Variants in RBFOX1 observed in about 807,000 individuals in gnomAD.
RBFOX1 encodes the protein RNA binding fox-1 homolog 1, also known as RNA binding protein fox-1 homolog 1.
In RBFOX1, 8 loss-of-function variants were observed where a neutral mutation model predicts 57.7. The ratio of observed to expected loss-of-function variants is 0.14; its 90% CI spans 0.08 to 0.25. RBFOX1 has a LOEUF of 0.25. Ranked by LOEUF, RBFOX1 falls within the 10% of genes least tolerant of loss-of-function variation. RBFOX1 has a pLI of 1.00. For synonymous variants in RBFOX1, 326 were observed against 222.4 expected (o/e 1.47, Z -4.15); for missense variants, 611 against 548.5 (o/e 1.11, Z -1.14).
At chr16:6,360,672 A>G (rs746187694) in intron 2 of RBFOX1, among the ~76,000 whole-genome samples, 6 of 152,228 alleles carry the variant, frequency 3.9e-5, no homozygotes, top group Non-Finnish European at 7.3e-5. Context: ...TTTCAGAATT[A>G]TCTGAAATAA....
chr16:7,284,170 T>G (rs1004119710), intron 4 of RBFOX1, among the ~76,000 whole-genome samples: 3 of 152,256 alleles, frequency 2.0e-5, no homozygotes, highest in Admixed American at 6.5e-5. Context: ...TATAGTTTAT[T>G]CACTAGTTGA....
intron 4 of RBFOX1, among the ~76,000 whole-genome samples, chr16:7,148,839 C>G (rs2075562908): frequency 6.6e-6 from 1 of 152,180 alleles, no homozygotes; most frequent in Admixed American, 6.5e-5. Flanking sequence ...ATGTTTGTAG[C>G]AAAGTGACCC....
intron 4 of RBFOX1, among the ~76,000 whole-genome samples, chr16:7,096,391 G>T (rs71374929): frequency 0.11 from 16,479 of 152,154 alleles, 1,098 homozygotes; most frequent in South Asian, 0.2. Flanking sequence ...TTTTCTCCGT[G>T]TCCCCCAGCA....
rs71406388 is a variant in RBFOX1, at chr16:6,655,373, C to CAAAAAAAAAAAAAAAAAAAAAA, written c.-16+732_-16+753dup. Among the ~76,000 whole-genome samples the CAAAAAAAAAAAAAAAAAAAAAA allele has an allele frequency of 4.2e-4, 14 of 33,686 alleles. 1 individual carries two copies. The highest frequency in any genetic ancestry group is 6.2e-4 in the Non-Finnish European group (11 of 17,624). The allele number at this position is 33,686 out of a possible 152,430, so 22.1% of individuals were successfully genotyped here. The stretch of plus-strand genomic sequence containing the variant: ...TGAGTGACAAAATAAGCCTCCGTTT[C>CAAAAAAAAAAAAAAAAAAAAAA]AAAAAAAAAAAAAAAAAAAAAAAAA... On this transcript the variant is annotated intron_variant, in intron 3 of 15. Coordinates refer to ENST00000550418, the MANE Select transcript of RBFOX1 (RefSeq NM_018723.4).
At position 5,891,142 on chromosome 16, in the gene RBFOX1, C is replaced by G. The variant is rs368095805; in HGVS notation, c.351+23807C>G. Among the ~76,000 whole-genome samples the G allele has an allele frequency of 2.3e-3, 343 of 152,324 alleles. 12 individuals carry two copies. The South Asian group carries it at 0.069, about 31-fold the overall frequency. On this transcript the variant is annotated intron_variant, in intron 4 of 19. Transcript: ENST00000641259. ...CAGCACAGAAGTCAGTTCTGCCTCTCTACCCTCCTTAGGATTTTTTCTTTG... is the reference window on the plus strand; with the variant it reads ...CAGCACAGAAGTCAGTTCTGCCTCTGTACCCTCCTTAGGATTTTTTCTTTG...
chr16:6,313,156 C>G (rs1178695695), intron 1 of RBFOX1, among the ~76,000 whole-genome samples: 1 of 152,084 alleles, frequency 6.6e-6, no homozygotes, highest in Non-Finnish European at 1.5e-5. Context: ...ATGGGAAAGT[C>G]CATGGTGCTG....
intron 1 of RBFOX1, among the ~76,000 whole-genome samples, chr16:5,317,628 A>AT (rs753533682): frequency 6.6e-6 from 1 of 152,172 alleles, no homozygotes; most frequent in Non-Finnish European, 1.5e-5. Flanking sequence ...AACAAAAAAA[A>AT]GCGAACAAAA....
At chr16:7,461,933 C>G (rs903684012) in intron 4 of RBFOX1, among the ~76,000 whole-genome samples, 1 of 152,162 alleles carries the variant, frequency 6.6e-6, no homozygotes, top group Non-Finnish European at 1.5e-5. Context: ...CCCATTTGTT[C>G]TTGTCTTTTA....
intron 3 of RBFOX1, among the ~76,000 whole-genome samples, chr16:5,857,813 G>C (rs1034901635): frequency 2.0e-5 from 3 of 152,076 alleles, no homozygotes; most frequent in Non-Finnish European, 1.5e-5. Flanking sequence ...AGGCATGGTG[G>C]TGAGTGCCTG....
At position 6,802,913 on chromosome 16, in the gene RBFOX1, T is replaced by A. The variant is rs574130544; in HGVS notation, c.-16+148263T>A. Among the ~76,000 whole-genome samples the A allele has an allele frequency of 1.6e-4, 24 of 152,324 alleles. No individual in the cohort carries two copies. In the East Asian group the frequency reaches 4.6e-3, roughly 29 times the overall value. On this transcript the variant is annotated intron_variant, in intron 3 of 15. Transcript: ENST00000550418. The stretch of plus-strand genomic sequence containing the variant: ...ATTGTGCAAAGAAGTTATTTTAGTT[T>A]CCCTTAGGGTTAAATATTTATTGAA...
At chr16:6,983,734 C>G (rs1357465323) in intron 3 of RBFOX1, 2 of 152,422 alleles carry the variant, frequency 1.3e-5, no homozygotes, top group Non-Finnish European at 2.9e-5. Flanking sequence ...CTCTTCTGCT[C>G]AGAAGTATGT....
At chr16:7,487,885 C>T (rs1363065215) in intron 4 of RBFOX1, among the ~76,000 whole-genome samples, 2 of 152,104 alleles carry the variant, frequency 1.3e-5, no homozygotes, top group Non-Finnish European at 2.9e-5. Flanking sequence ...AATCTCAATT[C>T]CAAGGAAAAG....
intron 3 of RBFOX1, among the ~76,000 whole-genome samples, chr16:5,663,882 T>C (rs1333165531): frequency 6.6e-6 from 1 of 152,128 alleles, no homozygotes; most frequent in African/African-American, 2.4e-5. Context: ...TGGGGAAGCT[T>C]CCCTTGATGC....
chr16:7,140,179 TCTC>T (rs2073334201), intron 4 of RBFOX1, among the ~76,000 whole-genome samples: 3 of 147,022 alleles, frequency 2.0e-5, no homozygotes, highest in East Asian at 2.0e-4. Context: ...TCTCTCTCTC[TCTC>T]TCTCTCTCTC....
chr16:5,745,821 G>A (rs999391584), intron 3 of RBFOX1, among the ~76,000 whole-genome samples: 2 of 152,082 alleles, frequency 1.3e-5, no homozygotes, highest in South Asian at 4.1e-4. Flanking sequence ...TGAGTTCATT[G>A]TAGATTCTGG....
intron 4 of RBFOX1, among the ~76,000 whole-genome samples, chr16:7,311,254 T>C (rs1367789706): frequency 6.6e-6 from 1 of 152,176 alleles, no homozygotes; most frequent in Non-Finnish European, 1.5e-5. Flanking sequence ...CCTGTTTTGA[T>C]CCTTTTCTTT....
intron 3 of RBFOX1, among the ~76,000 whole-genome samples, chr16:5,765,341 C>T (rs763477394): frequency 2.0e-5 from 3 of 152,090 alleles, no homozygotes; most frequent in Non-Finnish European, 4.4e-5. Context: ...AATTGTTTCC[C>T]AAGGGAAAAA....
intron 4 of RBFOX1, among the ~76,000 whole-genome samples, chr16:7,473,260 C>T (rs1487641527): frequency 1.3e-5 from 2 of 151,828 alleles, no homozygotes; most frequent in African/African-American, 4.8e-5. Context: ...TGCCTGTAAT[C>T]CCAGCTACTC....
At chr16:6,504,140 T>C (rs1217513525) in intron 2 of RBFOX1, among the ~76,000 whole-genome samples, 1 of 152,168 alleles carries the variant, frequency 6.6e-6, no homozygotes, top group Non-Finnish European at 1.5e-5. Flanking sequence ...CATATACCTC[T>C]AGTGACAAAG....
Sources: gnomAD v4.1 joint callset for allele counts (sites outside exome capture counted in the v4.1 genomes callset) on GRCh38, gnomAD v4.1.1 for gene constraint, MANE v1.5 for transcripts, NCBI Gene and HGNC (gene_info 2026-07-23, HGNC 2026-07-21) for gene names.